Variants in TUBAL3 observed in about 807,000 individuals in gnomAD.
TUBAL3 encodes the protein tubulin alpha like 3, also known as tubulin alpha chain-like 3.
TUBAL3 carries 16 observed loss-of-function variants against 15.5 expected under a neutral mutation model. That is an observed-to-expected ratio of 1.04 (90% CI 0.70 to 1.57). The LOEUF (loss-of-function observed/expected upper bound fraction) is 1.57, where lower values mean the gene tolerates loss of function less well. TUBAL3 is among the 40% of genes most tolerant of loss of function. TUBAL3 has a pLI of 0.00. For missense variants in TUBAL3, 609 were observed against 576.2 expected (o/e 1.06, Z -0.58); for synonymous variants, 238 against 224.3 (o/e 1.06, Z -0.55).
At chr10:5,404,183 G>T (rs74115630) in intron 1 of TUBAL3, among the ~76,000 whole-genome samples, 1 of 152,188 alleles carries the variant, frequency 6.6e-6, no homozygotes, top group Non-Finnish European at 1.5e-5. Flanking sequence ...GAAGCAGTTC[G>T]AAATGTTGCT....
At position 5,397,234 on chromosome 10, in the gene TUBAL3, T is replaced by C. The variant is rs1831779321; in HGVS notation, c.248-1759A>G. ...GTTTTTCAATTCACCGTGCCTTCCGTGCGTGACCATGAATTTCTAAACTCC... is the reference window on the plus strand; with the variant it reads ...GTTTTTCAATTCACCGTGCCTTCCGCGCGTGACCATGAATTTCTAAACTCC... On this transcript the variant is annotated intron_variant, in intron 2 of 3. Coordinates refer to ENST00000380419, the MANE Select transcript of TUBAL3 (RefSeq NM_024803.3). The surrounding 1 kb of genome is among the most constrained non-coding windows in gnomAD (Gnocchi z 4.9). Among the ~76,000 whole-genome samples, 1 of 152,210 alleles carries C rather than the reference T, an allele frequency of 6.6e-6. No individual in the cohort carries two copies. The highest frequency in any genetic ancestry group is 1.5e-5 in the Non-Finnish European group (1 of 68,036).
rs1831770479 is a variant in TUBAL3 at position 5,396,680 on chromosome 10, G to C, written c.248-1205C>G. On this transcript the variant is annotated intron_variant, in intron 2 of 3. Transcript: ENST00000380419. The surrounding 1 kb of genome is among the most constrained non-coding windows in gnomAD (Gnocchi z 5.1). ...GACAATTGGCGTTAAGATGTTGGCA[G>C]TATCCAATACAACTGAGGGTAGCCC... Among the ~76,000 whole-genome samples the C allele has an allele frequency of 6.6e-6, 1 of 152,222 alleles. No homozygotes were observed. Among genetic ancestry groups the C allele is most frequent in the Non-Finnish European group, 1.5e-5 (1 of 68,030 alleles).
intron 1 of TUBAL3, among the ~76,000 whole-genome samples, chr10:5,401,865 T>C (rs1463406649): frequency 6.6e-6 from 1 of 152,124 alleles, no homozygotes; most frequent in Non-Finnish European, 1.5e-5. Context: ...AGCATCACAA[T>C]TCATAAGCAT....
intron 1 of TUBAL3, among the ~76,000 whole-genome samples, chr10:5,402,732 T>C (rs558621640): frequency 1.0e-3 from 157 of 152,374 alleles, no homozygotes; most frequent in Admixed American, 2.9e-3. Context: ...TAGATTCTCA[T>C]AGGGGCACTA....
chr10:5,394,012 G>T lies in TUBAL3; in HGVS notation c.846C>A (p.Ile282=). The T allele has an allele frequency of 6.2e-7, 1 of 1,614,188 alleles. No homozygotes were observed. The highest frequency in any genetic ancestry group is 8.5e-7 in the Non-Finnish European group (1 of 1,180,034). The change falls in exon 4 of 4, where the codon ATC becomes ATA. Residue 282 remains isoleucine (I), a synonymous_variant. Transcript: ENST00000380419. This position sits in a 1 kb window ranked among gnomAD's most constrained non-coding sequence, Gnocchi z 4.3. ...CATGGTAGGCTTTGTCAGCAGAGAC[G>T]ATGGGGGCGAAGGCTGTCATGGGGA... The part of the protein sequence containing the change: ...IHFPMTAFAP[I]VSADKAYHEQ...
chr10:5,400,861 A>C lies in TUBAL3; in HGVS notation c.230T>G (p.Leu77Trp). 6.2e-7 allele frequency: 1 copy of C among 1,614,218 alleles called. No homozygotes were observed. Among genetic ancestry groups the C allele is most frequent in the Non-Finnish European group, 8.5e-7 (1 of 1,180,036 alleles). Reference sequence around the variant, plus strand: ...TATTGTACCTATAACAGTTGGCTCCAAGTCCACGAAGAGTGCTCTAGGCAC... The same window carrying C: ...TATTGTACCTATAACAGTTGGCTCCCAGTCCACGAAGAGTGCTCTAGGCAC... ...KHVPRALFVD[L>W]EPTVIDGIRT... Residue 77 changes from leucine (L) to tryptophan (W), a missense_variant, in exon 2 of 4, where the codon TTG (leucine) becomes TGG (tryptophan). Physicochemically the swap from Leu to Trp is moderately conservative, Grantham distance 61 (BLOSUM62 -2). Coordinates refer to ENST00000380419, the MANE Select transcript of TUBAL3 (RefSeq NM_024803.3).
chr10:5,398,602 AAAAC>A (rs139747342), intron 2 of TUBAL3, among the ~76,000 whole-genome samples: 11,253 of 151,900 alleles, frequency 0.074, 507 homozygotes, highest in Non-Finnish European at 0.099. Context: ...CTCGCTCTAA[AAAAC>A]AAACAAACAA....
intron 1 of TUBAL3, among the ~76,000 whole-genome samples, chr10:5,401,865 T>A (rs1463406649): frequency 6.6e-6 from 1 of 152,124 alleles, no homozygotes; most frequent in Non-Finnish European, 1.5e-5. Context: ...AGCATCACAA[T>A]TCATAAGCAT....
chr10:5,402,658 G>A (rs1192273842), intron 1 of TUBAL3, among the ~76,000 whole-genome samples: 2 of 152,172 alleles, frequency 1.3e-5, no homozygotes, highest in African/African-American at 4.8e-5. Context: ...ACAGAAGGAG[G>A]TGAGCAGCAG....
intron 2 of TUBAL3, among the ~76,000 whole-genome samples, chr10:5,400,316 T>C (rs1831830028): frequency 6.6e-6 from 1 of 152,082 alleles, no homozygotes; most frequent in Admixed American, 6.5e-5. Flanking sequence ...AGGTCTTAAT[T>C]CATTTCATCA....
chr10:5,394,822 T>C lies in TUBAL3; in HGVS notation c.397-361A>G, dbSNP rs905191579. Among the ~76,000 whole-genome samples the C allele has an allele frequency of 3.3e-5, 5 of 152,348 alleles. No individual in the cohort carries two copies. The highest frequency in any genetic ancestry group is 1.3e-4 in the Admixed American group (2 of 15,300). The stretch of plus-strand genomic sequence containing the variant: ...CCCCACGTCTATGCTCCATCTGGCA[T>C]GCTGGTGTAAAAGGTGTTGTAGTAG... On this transcript the variant is annotated intron_variant, in intron 3 of 3. Coordinates refer to ENST00000380419, the MANE Select transcript of TUBAL3 (RefSeq NM_024803.3). This position sits in a 1 kb window ranked among gnomAD's most constrained non-coding sequence, Gnocchi z 4.3.
rs145537374 is a variant in TUBAL3 at position 5,394,139 on chromosome 10, T to C, written c.719A>G (p.Gln240Arg). 6.1e-5 allele frequency: 99 copies of C among 1,614,220 alleles called. No homozygotes were observed. The African/African-American group carries it at 1.1e-3, about 18-fold the overall frequency. The change falls in exon 4 of 4, where the codon CAG becomes CGG. Residue 240 changes from glutamine to arginine, a missense_variant. Physicochemically the swap from Gln to Arg is conservative, Grantham distance 43. Transcript: ENST00000380419. The surrounding 1 kb of genome is among the most constrained non-coding windows in gnomAD (Gnocchi z 4.3). ...SHASINRLVVQVVSSITASLR... is the reference protein window; with the variant it reads ...SHASINRLVVRVVSSITASLR... ...GGAGGCAGTGATGGAAGATACCACCTGAACCACCAATCTATTGATGCTGGC... is the reference window on the plus strand; with the variant it reads ...GGAGGCAGTGATGGAAGATACCACCCGAACCACCAATCTATTGATGCTGGC...
chr10:5,401,194 C>T, intron 1 of TUBAL3, 107 bp from the exon 2 acceptor site: 2 of 1,371,690 alleles, frequency 1.5e-6, no homozygotes, highest in African/African-American at 1.4e-5. Context: ...TAGCTTAAGG[C>T]CACGGAGGAA....
chr10:5,398,762 A>T (rs965156399), intron 2 of TUBAL3, among the ~76,000 whole-genome samples: 1 of 150,878 alleles, frequency 6.6e-6, no homozygotes, highest in Non-Finnish European at 1.5e-5. Context: ...GTTTTGCAAT[A>T]TTTTTTTTTG....
At position 5,396,325 on chromosome 10, in the gene TUBAL3, T is replaced by A. The variant is rs546862381; in HGVS notation, c.248-850A>T. On this transcript the variant is annotated intron_variant, in intron 2 of 3. Transcript: ENST00000380419. The surrounding 1 kb of genome is among the most constrained non-coding windows in gnomAD (Gnocchi z 5.1). ...GAGCTTGAGACCAGCCTGGCCAACATGGTGAAACCCTGTCTCTACTAAAAG... is the reference window on the plus strand; with the variant it reads ...GAGCTTGAGACCAGCCTGGCCAACAAGGTGAAACCCTGTCTCTACTAAAAG... Among the ~76,000 whole-genome samples, 1 of 152,016 alleles carries A rather than the reference T, an allele frequency of 6.6e-6. No individual in the cohort carries two copies. The highest frequency in any genetic ancestry group is 1.9e-4 in the East Asian group (1 of 5,158).
chr10:5,395,917 C>G lies in TUBAL3; in HGVS notation c.248-442G>C, dbSNP rs78485184. On this transcript the variant is annotated intron_variant, in intron 2 of 3. Transcript: ENST00000380419. This position sits in a 1 kb window ranked among gnomAD's most constrained non-coding sequence, Gnocchi z 4.6. Reference sequence around the variant, plus strand: ...AGCTCTCCTTGGCTTCTAGCTACCCCCTTCCAATCTCTACCTCTGGCATAC... The same window carrying G: ...AGCTCTCCTTGGCTTCTAGCTACCCGCTTCCAATCTCTACCTCTGGCATAC... Among the ~76,000 whole-genome samples, 357 of 152,240 alleles carry G rather than the reference C, an allele frequency of 2.3e-3. 2 individuals are homozygous for G. Among genetic ancestry groups the G allele is most frequent in the East Asian group, 0.014 (70 of 5,172 alleles).
rs1831767152 is a variant in TUBAL3 at position 5,396,501 on chromosome 10, C to A, written c.248-1026G>T. Among the ~76,000 whole-genome samples the A allele has an allele frequency of 6.6e-6, 1 of 151,662 alleles. No individual in the cohort carries two copies. The highest frequency in any genetic ancestry group is 1.5e-5 in the Non-Finnish European group (1 of 67,938). ...CTGGGCAACAAGAGTGAAATTCTGT[C>A]TCAAAAAAAAGTAAAATAAAATAAA... is the stretch of plus-strand genomic sequence containing the variant. On this transcript the variant is annotated intron_variant, in intron 2 of 3. Transcript: ENST00000380419. This position sits in a 1 kb window ranked among gnomAD's most constrained non-coding sequence, Gnocchi z 5.1.
rs1277340328 is a variant in TUBAL3 at position 5,395,845 on chromosome 10, C to T, written c.248-370G>A. 6.6e-6 allele frequency among the ~76,000 whole-genome samples: 1 copy of T among 152,138 alleles called. No individual in the cohort carries two copies. The highest frequency in any genetic ancestry group is 1.5e-5 in the Non-Finnish European group (1 of 68,024). ...GGTTCCTGCTGGAGGCCCCAGGGAG[C>T]GTCTGGTCCAAACATCTCTCCTGGC... On this transcript the variant is annotated intron_variant, in intron 2 of 3. Transcript: ENST00000380419. The surrounding 1 kb of genome is among the most constrained non-coding windows in gnomAD (Gnocchi z 4.6).
In TUBAL3 at chr10:5,395,499, G is replaced by A. The variant is rs781849848; in HGVS notation, c.248-24C>T. 2.0e-5 allele frequency: 29 copies of A among 1,468,422 alleles called. No homozygotes were observed. The highest frequency in any genetic ancestry group is 2.6e-5 in the Non-Finnish European group (29 of 1,096,186). 91.0% of individuals were successfully genotyped at this position (1,468,422 alleles called of 1,614,324 possible). The stretch of plus-strand genomic sequence containing the variant: ...ATCTGCAGAGGGTGAAAGGAGGTCA[G>A]TGCAACTCACCCAGTGCAATTCAGC... On this transcript the variant is annotated intron_variant, in intron 2 of 3. Transcript: ENST00000380419. The surrounding 1 kb of genome is among the most constrained non-coding windows in gnomAD (Gnocchi z 4.6).
Sources: allele counts gnomAD v4.1 joint callset (sites outside exome capture counted in the v4.1 genomes callset), GRCh38; gene constraint gnomAD v4.1.1; non-coding constraint Gnocchi (gnomAD v3.1); transcripts MANE v1.5; gene names NCBI Gene and HGNC (gene_info 2026-07-23, HGNC 2026-07-21).